Variants in PLD1 observed in about 807,000 individuals in gnomAD.
PLD1 encodes choline phosphatase 1.
PLD1 carries 112 observed loss-of-function variants against 137.1 expected under a neutral mutation model. The ratio of observed to expected loss-of-function variants is 0.82; its 90% confidence interval spans 0.70 to 0.96. The LOEUF is 0.96. Among genes scored for constraint, PLD1 ranks in the 40% least tolerant of loss-of-function variants. The pLI, the probability that PLD1 is intolerant of heterozygous loss-of-function variation, is 0.00. For missense variants in PLD1, 1,321 were observed against 1,342.0 expected (o/e 0.98, Z 0.24); for synonymous variants, 431 against 454.7 (o/e 0.95, Z 0.66).
intron 25 of PLD1, among the ~76,000 whole-genome samples, chr3:171,607,352 T>C (rs1333880879): frequency 1.3e-5 from 2 of 152,168 alleles, no homozygotes; most frequent in Non-Finnish European, 2.9e-5. Context: ...TTTAAGAAGC[T>C]GAAAATTGAG....
intron 23 of PLD1, among the ~76,000 whole-genome samples, chr3:171,621,596 G>A (rs1578122283): frequency 6.6e-6 from 1 of 152,162 alleles, no homozygotes; most frequent in African/African-American, 2.4e-5. Flanking sequence ...GTTATGTATA[G>A]AGATGCCTCC....
At chr3:171,777,911 G>C (rs1015779167) in intron 1 of PLD1, among the ~76,000 whole-genome samples, 1 of 152,202 alleles carries the variant, frequency 6.6e-6, no homozygotes, top group Non-Finnish European at 1.5e-5. Context: ...TATTTAAATA[G>C]TGATGGCATT....
intron 1 of PLD1, among the ~76,000 whole-genome samples, chr3:171,805,021 C>T (rs916452734): frequency 6.6e-6 from 1 of 152,168 alleles, no homozygotes; most frequent in Non-Finnish European, 1.5e-5. Context: ...TAAAAGCCTA[C>T]TTTGAAAAAG....
chr3:171,606,549 G>A (rs115031711), intron 25 of PLD1, among the ~76,000 whole-genome samples: 119 of 152,296 alleles, frequency 7.8e-4, no homozygotes, highest in African/African-American at 2.6e-3. Context: ...AGGAACCAGC[G>A]AGGCTGGAGA....
intron 13 of PLD1, among the ~76,000 whole-genome samples, chr3:171,689,793 T>C (rs1714966492): frequency 6.6e-6 from 1 of 152,240 alleles, no homozygotes. Context: ...TGAGCCACCA[T>C]ACCTGGCCTT....
chr3:171,680,071 C>A (rs911060295), intron 16 of PLD1, among the ~76,000 whole-genome samples: 2 of 151,990 alleles, frequency 1.3e-5, no homozygotes, highest in African/African-American at 4.8e-5. Context: ...TTGTTCCTTG[C>A]CTGGTGTCCT....
At chr3:171,748,146 C>T (rs1720386724) in intron 1 of PLD1, among the ~76,000 whole-genome samples, 1 of 152,156 alleles carries the variant, frequency 6.6e-6, no homozygotes, top group Non-Finnish European at 1.5e-5. Context: ...AAGATTTATT[C>T]CTGCCCCTGT....
At chr3:171,658,362 A>G (rs1159006736) in intron 21 of PLD1, among the ~76,000 whole-genome samples, 1 of 152,240 alleles carries the variant, frequency 6.6e-6, no homozygotes, top group Non-Finnish European at 1.5e-5. Flanking sequence ...GGATGTTTAT[A>G]GCAGCATTAT....
chr3:171,762,081 A>G (rs1037403007), intron 1 of PLD1, among the ~76,000 whole-genome samples: 4 of 152,232 alleles, frequency 2.6e-5, no homozygotes, highest in Admixed American at 6.5e-5. Context: ...CATTTTATTT[A>G]CATTTCTCTG....
At chr3:171,777,749 C>A (rs538106961) in intron 1 of PLD1, among the ~76,000 whole-genome samples, 9 of 152,182 alleles carry the variant, frequency 5.9e-5, no homozygotes, top group Non-Finnish European at 1.2e-4. Context: ...CAAGGGGCGG[C>A]CCAAACCCAT....
chr3:171,689,092 A>G (rs1310069505), intron 13 of PLD1, among the ~76,000 whole-genome samples: 1 of 152,074 alleles, frequency 6.6e-6, no homozygotes, highest in Admixed American at 6.6e-5. Flanking sequence ...TCCCACGCCC[A>G]TATACTATAT....
At chr3:171,752,297 G>A (rs988263624) in intron 1 of PLD1, among the ~76,000 whole-genome samples, 28 of 152,218 alleles carry the variant, frequency 1.8e-4, no homozygotes, top group African/African-American at 5.8e-4. Flanking sequence ...AATAACTTTA[G>A]AAGAGTGGTA....
In PLD1 at chr3:171,612,213, C is replaced by A; in HGVS notation, c.2882+66G>T. On this transcript the variant is annotated intron_variant, in intron 25 of 26. Coordinates refer to ENST00000351298, the MANE Select transcript of PLD1 (RefSeq NM_002662.5). The surrounding 1 kb of genome is among the most constrained non-coding windows in gnomAD (Gnocchi z 4.1). ...GGATGACCCATGTGCTCAGGGCTAG[C>A]GGGGCTGGGTCCCAGCGACTGCTGC... The A allele has an allele frequency of 1.3e-6, 2 of 1,483,462 alleles. No homozygotes were observed. Among genetic ancestry groups the A allele is most frequent in the Non-Finnish European group, 1.9e-6 (2 of 1,071,032 alleles). 91.9% of individuals were successfully genotyped at this position (1,483,462 alleles called of 1,614,324 possible).
At chr3:171,729,634 C>T (rs1403646770) in intron 6 of PLD1, among the ~76,000 whole-genome samples, 25 of 152,116 alleles carry the variant, frequency 1.6e-4, no homozygotes, top group Admixed American at 1.6e-3. Context: ...CCAGGAAAGG[C>T]AGGGAACAAA....
At chr3:171,805,723 TA>T in intron 1 of PLD1, among the ~76,000 whole-genome samples, 1 of 152,202 alleles carries the variant, frequency 6.6e-6, no homozygotes, top group Admixed American at 6.5e-5. Context: ...TAAAAAAACC[TA>T]AAAAAAAGTT....
At chr3:171,738,204 C>T in intron 1 of PLD1, 122 bp from the exon 2 acceptor site, 1 of 473,750 alleles carries the variant, frequency 2.1e-6, no homozygotes, top group Non-Finnish European at 3.6e-6. Context: ...CTGTGTGAGC[C>T]TCAGTTATCC....
At chr3:171,792,732 A>C (rs773271635) in intron 1 of PLD1, 32 of 456,636 alleles carry the variant, frequency 7.0e-5, no homozygotes, top group South Asian at 4.6e-4. Context: ...TGCAGGGCAC[A>C]TACCAGGTTC....
intron 1 of PLD1, among the ~76,000 whole-genome samples, chr3:171,807,732 A>G (rs1004366682): frequency 2.0e-5 from 3 of 152,260 alleles, no homozygotes; most frequent in Admixed American, 6.5e-5. Flanking sequence ...GTATATATCC[A>G]AAAGAAAATA....
intron 1 of PLD1, chr3:171,765,228 G>A (rs1721898553): frequency 6.6e-6 from 1 of 152,154 alleles, no homozygotes; most frequent in Non-Finnish European, 1.5e-5. Context: ...TATCAATAAA[G>A]CTGTTAAAAA....
Sources: allele counts gnomAD v4.1 joint callset (sites outside exome capture counted in the v4.1 genomes callset), GRCh38; gene constraint gnomAD v4.1.1; non-coding constraint Gnocchi (gnomAD v3.1); transcripts MANE v1.5; gene names NCBI Gene and HGNC (gene_info 2026-07-23, HGNC 2026-07-21).